ZNF469: variants seen among roughly 807,000 people sequenced by gnomAD.
ZNF469 encodes the protein zinc finger protein 469.
A neutral mutation model predicts 1.0 loss-of-function variants in ZNF469; 1 was observed. That is an observed-to-expected ratio of 1.00 (90% CI 0.35 to 4.73). ZNF469 has a LOEUF of 4.73. Among genes scored for constraint, ZNF469 ranks in the 30% most tolerant of loss-of-function variants. The pLI, the probability that ZNF469 is intolerant of heterozygous loss-of-function variation, is 0.16. For synonymous variants in ZNF469, 2,703 were observed against 2,363.4 expected (o/e 1.14, Z -4.17); for missense variants, 6,100 against 5,356.3 (o/e 1.14, Z -4.33).
chr16:88,329,194 G>A, the ZNF469 span, among the ~76,000 whole-genome samples: 2 of 152,180 alleles, frequency 1.3e-5, no homozygotes, highest in African/African-American at 2.4e-5. Flanking sequence ...GAGTAACACG[G>A]CCGCTGCTGT....
At chr16:88,249,423 C>CTTTTCTTTTTTT in the ZNF469 span, among the ~76,000 whole-genome samples, 2 of 61,752 alleles carry the variant, frequency 3.2e-5, no homozygotes, top group African/African-American at 1.5e-4. Flanking sequence ...CTTTCTTTTT[C>CTTTTCTTTTTTT]TTTTTCTTTT....
chr16:88,113,999 A>G, the ZNF469 span, among the ~76,000 whole-genome samples: 3 of 152,142 alleles, frequency 2.0e-5, no homozygotes, highest in African/African-American at 7.2e-5. Flanking sequence ...TGGTCCCATG[A>G]TGTCCGGCGA....
At chr16:88,186,831 G>T in the ZNF469 span, among the ~76,000 whole-genome samples, 1 of 152,212 alleles carries the variant, frequency 6.6e-6, no homozygotes, top group Non-Finnish European at 1.5e-5. Context: ...GGGGGATGCG[G>T]TCAGCCAAAG....
chr16:88,242,196 G>A, the ZNF469 span, among the ~76,000 whole-genome samples: 1 of 152,204 alleles, frequency 6.6e-6, no homozygotes, highest in Non-Finnish European at 1.5e-5. Flanking sequence ...GGAGCCTGGA[G>A]CCCCACACTG....
chr16:88,194,353 G>A, the ZNF469 span: 1 of 152,216 alleles, frequency 6.6e-6, no homozygotes, highest in African/African-American at 2.4e-5. Flanking sequence ...ACACCCCTGA[G>A]CTTTGTCCCA....
At chr16:88,186,154 C>T in the ZNF469 span, among the ~76,000 whole-genome samples, 11 of 152,314 alleles carry the variant, frequency 7.2e-5, no homozygotes, top group South Asian at 1.7e-3. Flanking sequence ...TATTCGACTG[C>T]GGGGGCGTCC....
At chr16:88,101,576 G>A in the ZNF469 span, among the ~76,000 whole-genome samples, 1 of 148,758 alleles carries the variant, frequency 6.7e-6, no homozygotes, top group Non-Finnish European at 1.5e-5. Context: ...GAAAAACAAA[G>A]TGTGGAGGCA....
chr16:88,224,580 G>A, the ZNF469 span, among the ~76,000 whole-genome samples: 1 of 152,334 alleles, frequency 6.6e-6, no homozygotes, highest in South Asian at 2.1e-4. Context: ...CTGATGAGGA[G>A]ACTGAGGCGC....
At chr16:88,305,970 ACACACATG>A in the ZNF469 span, among the ~76,000 whole-genome samples, 1 of 151,922 alleles carries the variant, frequency 6.6e-6, no homozygotes, top group South Asian at 2.1e-4. Flanking sequence ...ACATGTCCTT[ACACACATG>A]CACACATGTA....
At chr16:88,341,429 T>C in the ZNF469 span, among the ~76,000 whole-genome samples, 1 of 152,136 alleles carries the variant, frequency 6.6e-6, no homozygotes, top group Non-Finnish European at 1.5e-5. Flanking sequence ...GGCCGGCCAC[T>C]GTTGTGATCT....
chr16:88,158,808 G>C, the ZNF469 span, among the ~76,000 whole-genome samples: 14 of 152,168 alleles, frequency 9.2e-5, no homozygotes, highest in African/African-American at 3.4e-4. Context: ...GGTCTGGGGG[G>C]CACCGGGCAG....
chr16:88,409,622 C>G lies in ZNF469; in HGVS notation c.-191-15185C>G, dbSNP rs560572658. Among the ~76,000 whole-genome samples the G allele has an allele frequency of 2.0e-5, 3 of 152,312 alleles. No individual in the cohort carries two copies. In the East Asian group the frequency reaches 5.8e-4, roughly 29 times the overall value. On this transcript the variant is annotated intron_variant, in intron 1 of 2. Transcript: ENST00000565624. The stretch of plus-strand genomic sequence containing the variant: ...CTTCTCCTCATAGGCCGTGTGCACC[C>G]CATGCACATATGCTATATGAGCGTG...
chr16:88,283,435 G>C, the ZNF469 span, among the ~76,000 whole-genome samples: 1 of 152,204 alleles, frequency 6.6e-6, no homozygotes. Context: ...TGAACAGAGA[G>C]GGATGGAGAA....
chr16:88,367,698 C>T, the ZNF469 span, among the ~76,000 whole-genome samples: 2 of 152,228 alleles, frequency 1.3e-5, no homozygotes, highest in African/African-American at 4.8e-5. Context: ...CACCAGGCCC[C>T]GCATCCTTGG....
At chr16:88,193,088 TGG>T in the ZNF469 span, among the ~76,000 whole-genome samples, 14 of 146,024 alleles carry the variant, frequency 9.6e-5, 1 homozygote, top group African/African-American at 2.3e-4. Context: ...GTGATGGTGG[TGG>T]TGATGGTGTT....
chr16:88,368,970 T>C, the ZNF469 span, among the ~76,000 whole-genome samples: 3 of 152,094 alleles, frequency 2.0e-5, no homozygotes, highest in Admixed American at 2.0e-4. Flanking sequence ...TCCCAGCTAC[T>C]TGGGAGGCTG....
chr16:88,260,246 C>T, the ZNF469 span, among the ~76,000 whole-genome samples: 1 of 152,180 alleles, frequency 6.6e-6, no homozygotes, highest in South Asian at 2.1e-4. This position sits in a 1 kb window ranked among gnomAD's most constrained non-coding sequence, Gnocchi z 4.1. Context: ...ACCTCGGCCT[C>T]CCGAAGTGCT....
the ZNF469 span, among the ~76,000 whole-genome samples, chr16:88,313,967 G>A: frequency 1.5e-3 from 222 of 151,794 alleles, 1 homozygote; most frequent in African/African-American, 5.1e-3. Flanking sequence ...TGATGCTGGT[G>A]TGGAATATCT....
the ZNF469 span, among the ~76,000 whole-genome samples, chr16:88,144,219 G>A: frequency 6.6e-6 from 1 of 152,236 alleles, no homozygotes; most frequent in Non-Finnish European, 1.5e-5. Flanking sequence ...GGTGGGGAGG[G>A]CGGGGGGCGT....
Sources: allele counts gnomAD v4.1 joint callset (sites outside exome capture counted in the v4.1 genomes callset), GRCh38; gene constraint gnomAD v4.1.1; non-coding constraint Gnocchi (gnomAD v3.1); transcripts MANE v1.5; gene names NCBI Gene and HGNC (gene_info 2026-07-23, HGNC 2026-07-21).